Variants in LRRC8C observed in about 807,000 individuals in gnomAD.
LRRC8C encodes volume-regulated anion channel subunit LRRC8C.
LRRC8C carries 20 observed loss-of-function variants against 55.3 expected under a neutral mutation model. The observed-to-expected ratio is 0.36, with a 90% CI of 0.25 to 0.53. The LOEUF (loss-of-function observed/expected upper bound fraction) is 0.53. LRRC8C is among the 20% of genes least tolerant of loss of function. LRRC8C has a pLI of 0.92. For synonymous variants in LRRC8C, 376 were observed against 360.7 expected (o/e 1.04, Z -0.48); for missense variants, 659 against 951.4 (o/e 0.69, Z 4.04).
intron 1 of LRRC8C, 106 bp from the exon 2 acceptor site, chr1:89,686,364 A>T: frequency 8.7e-7 from 1 of 1,155,938 alleles, no homozygotes; most frequent in Non-Finnish European, 1.2e-6. Flanking sequence ...ACAGCTCTTG[A>T]ACTAATTCAG....
intron 1 of LRRC8C, among the ~76,000 whole-genome samples, chr1:89,675,539 G>C (rs140367706): frequency 2.6e-5 from 4 of 152,336 alleles, no homozygotes; most frequent in Non-Finnish European, 5.9e-5. Context: ...AACTGGATTG[G>C]AGGTAAACCT....
At chr1:89,630,708 C>T (rs1030178627), upstream of LRRC8C, among the ~76,000 whole-genome samples, 2 of 152,190 alleles carry the variant, frequency 1.3e-5, no homozygotes, top group Admixed American at 1.3e-4. Context: ...ACCCTGAAGT[C>T]GGAGAATAAG....
rs746141407 is a variant in LRRC8C, at chr1:89,686,503, C to T, written c.30C>T (p.Phe10=). ...TTCCCGTGACAGAATTCCGGCAGTT[C>T]TCTGAGCAGCAGCCTGCCTTCCGAG... MIPVTEFRQ[F]SEQQPAFRVL... Residue 10 remains phenylalanine (F), a synonymous_variant, in exon 2 of 3, where the codon TTC becomes TTT. Coordinates refer to ENST00000370454, the MANE Select transcript of LRRC8C (RefSeq NM_032270.5). The T allele has an allele frequency of 1.2e-6, 2 of 1,614,072 alleles. No individual in the cohort carries two copies. The highest frequency in any genetic ancestry group is 2.7e-5 in the African/African-American group (2 of 74,934).
the LRRC8C span, chr1:89,624,701 A>G: frequency 6.6e-6 from 1 of 152,256 alleles, no homozygotes; most frequent in African/African-American, 2.4e-5. Context: ...CTTTCCAACA[A>G]GAAAAGTCTT....
the LRRC8C span, chr1:89,626,279 A>C: frequency 6.6e-6 from 1 of 152,240 alleles, no homozygotes; most frequent in Non-Finnish European, 1.5e-5. Flanking sequence ...GCTACTACTC[A>C]CATCAATACT....
At chr1:89,659,097 G>T (rs1336902040) in intron 1 of LRRC8C, among the ~76,000 whole-genome samples, 10 of 141,252 alleles carry the variant, frequency 7.1e-5, no homozygotes, top group African/African-American at 1.6e-4. Context: ...GTGTGTGTGT[G>T]TGTGTGTGTG....
In LRRC8C at chr1:89,715,080, CACACAAAATGT is replaced by C; in HGVS notation, c.*106_*116del. 1.4e-6 allele frequency: 1 copy of C among 712,222 alleles called. No homozygotes were observed. The highest frequency in any genetic ancestry group is 2.2e-6 in the Non-Finnish European group (1 of 464,024). The allele number at this position is 712,222 out of a possible 1,614,324, so 44.1% of individuals were successfully genotyped here. A position where few individuals can be genotyped will look rare whatever the true frequency, so the allele number is the denominator to read the frequency against. ...GCCTTTCCTATTTTTTTTTCCTTTT[CACACAAAATGT>C]ACACAAAGATCGCGTAAGGAGTATG... is the stretch of plus-strand genomic sequence containing the variant. On this transcript the variant is annotated 3_prime_UTR_variant, in exon 3 of 3. Coordinates refer to ENST00000370454, the MANE Select transcript of LRRC8C (RefSeq NM_032270.5).
chr1:89,682,754 A>G (rs1657755399), intron 1 of LRRC8C, among the ~76,000 whole-genome samples: 1 of 152,230 alleles, frequency 6.6e-6, no homozygotes. Context: ...AATAACTTTC[A>G]ACCTTTGACT....
chr1:89,652,483 G>A (rs1165385574), intron 1 of LRRC8C, among the ~76,000 whole-genome samples: 1 of 152,170 alleles, frequency 6.6e-6, no homozygotes, highest in East Asian at 1.9e-4. Flanking sequence ...TAGTGGCTGG[G>A]TCTCTGGGAT....
intron 1 of LRRC8C, among the ~76,000 whole-genome samples, chr1:89,676,842 A>G (rs902733450): frequency 6.6e-6 from 1 of 152,210 alleles, no homozygotes; most frequent in Non-Finnish European, 1.5e-5. Flanking sequence ...CCGTGAGTGT[A>G]TATGTGGGTG....
intron 2 of LRRC8C, chr1:89,706,420 T>C (rs1310580165): frequency 2.3e-6 from 1 of 443,444 alleles, no homozygotes; most frequent in African/African-American, 2.0e-5. Flanking sequence ...GCTTTTTCAC[T>C]TCCATACTTT....
At chr1:89,649,136 T>C (rs1656691970) in intron 1 of LRRC8C, among the ~76,000 whole-genome samples, 1 of 152,202 alleles carries the variant, frequency 6.6e-6, no homozygotes. Flanking sequence ...TGTTTGACAT[T>C]GTGATGTAAA....
chr1:89,664,203 T>C (rs1657195956), intron 1 of LRRC8C, among the ~76,000 whole-genome samples: 1 of 152,246 alleles, frequency 6.6e-6, no homozygotes, highest in South Asian at 2.1e-4. Flanking sequence ...GTTTTAGTCA[T>C]GAAGTCTTTG....
chr1:89,621,242 T>C, the LRRC8C span, among the ~76,000 whole-genome samples: 5 of 148,302 alleles, frequency 3.4e-5, no homozygotes, highest in Admixed American at 2.7e-4. Context: ...GGGCAGATCA[T>C]GAGGTCAGGA....
chr1:89,698,673 T>C lies in LRRC8C; in HGVS notation c.138+12062T>C, dbSNP rs559736203. Among the ~76,000 whole-genome samples, 6 of 152,278 alleles carry C rather than the reference T, an allele frequency of 3.9e-5. No individual in the cohort carries two copies. In the East Asian group the frequency reaches 1.2e-3, roughly 29 times the overall value. ...AGAAATCTAAGTTTTAATGCACTTA[T>C]CTCTTCAATCCCTTGGATTTTTTTC... On this transcript the variant is annotated intron_variant, in intron 2 of 2. Coordinates refer to ENST00000370454, the MANE Select transcript of LRRC8C (RefSeq NM_032270.5).
chr1:89,654,021 GTATATATACACAATGGAATATTATTCAA>G (rs1217520968), intron 1 of LRRC8C, among the ~76,000 whole-genome samples: 6 of 152,056 alleles, frequency 3.9e-5, no homozygotes, highest in South Asian at 2.1e-4. Flanking sequence ...AGAAAATGTG[GTATATATACACAATGGAATATTATTCAA>G]TATATATACA....
chr1:89,630,400 A>T (rs1656076164), upstream of LRRC8C, among the ~76,000 whole-genome samples: 1 of 152,208 alleles, frequency 6.6e-6, no homozygotes, highest in African/African-American at 2.4e-5. Context: ...CCCTTACCAT[A>T]GCCCTGCATA....
chr1:89,648,190 G>A (rs561851294), intron 1 of LRRC8C, among the ~76,000 whole-genome samples: 1 of 152,232 alleles, frequency 6.6e-6, no homozygotes, highest in South Asian at 2.1e-4. Flanking sequence ...TATTGTATAA[G>A]TATTTTGCCA....
At chr1:89,698,153 G>A (rs1041225377) in intron 2 of LRRC8C, among the ~76,000 whole-genome samples, 8 of 152,164 alleles carry the variant, frequency 5.3e-5, no homozygotes, top group Non-Finnish European at 1.2e-4. Flanking sequence ...ACTTAACTCT[G>A]GCTTTAGGAA....
Sources: gnomAD v4.1 joint callset for allele counts (sites outside exome capture counted in the v4.1 genomes callset) on GRCh38, gnomAD v4.1.1 for gene constraint, MANE v1.5 for transcripts, NCBI Gene and HGNC (gene_info 2026-07-23, HGNC 2026-07-21) for gene names.